The following TNS1 variants were observed in gnomAD, a reference collection of about 807,000 sequenced individuals.
TNS1 encodes tensin 1.
A neutral mutation model predicts 168.6 loss-of-function variants in TNS1; 62 were observed. The observed-to-expected ratio is 0.37, with a 90% CI of 0.30 to 0.45. The LOEUF (loss-of-function observed/expected upper bound fraction) is 0.45. TNS1 is among the 20% of genes least tolerant of loss of function. The pLI, the probability that TNS1 is intolerant of heterozygous loss-of-function variation, is 1.00. For missense variants in TNS1, 2,240 were observed against 2,339.4 expected (o/e 0.96, Z 0.88); for synonymous variants, 934 against 933.2 (o/e 1.00, Z -0.02).
chr2:217,944,509 T>G (rs1021255424), intron 3 of TNS1, among the ~76,000 whole-genome samples: 4 of 152,250 alleles, frequency 2.6e-5, no homozygotes, highest in African/African-American at 9.6e-5. Flanking sequence ...AACTCTCAGC[T>G]TTTCTACAGC....
chr2:218,013,124 C>G (rs1958723631), upstream of TNS1, among the ~76,000 whole-genome samples: 1 of 151,812 alleles, frequency 6.6e-6, no homozygotes, highest in Non-Finnish European at 1.5e-5. Flanking sequence ...TGCGTGGTGG[C>G]AGGTACCTGT....
At chr2:217,958,178 C>T (rs1374417274) in intron 3 of TNS1, among the ~76,000 whole-genome samples, 2 of 152,030 alleles carry the variant, frequency 1.3e-5, no homozygotes, top group Non-Finnish European at 2.9e-5. Flanking sequence ...CCTTCTATCA[C>T]TTAGAATACA....
chr2:218,004,899 T>C (rs1018773948), upstream of TNS1, among the ~76,000 whole-genome samples: 1 of 152,232 alleles, frequency 6.6e-6, no homozygotes, highest in African/African-American at 2.4e-5. Flanking sequence ...GTGTTCCACA[T>C]GCAGTTGGCC....
At chr2:217,868,969 G>A (rs1218171914) in intron 18 of TNS1, among the ~76,000 whole-genome samples, 1 of 152,262 alleles carries the variant, frequency 6.6e-6, no homozygotes, top group Non-Finnish European at 1.5e-5. Flanking sequence ...TTGTGTCAGG[G>A]AGAGGGACAT....
At chr2:217,934,643 CAG>C (rs1394968501) in intron 3 of TNS1, among the ~76,000 whole-genome samples, 2 of 152,338 alleles carry the variant, frequency 1.3e-5, no homozygotes, top group Non-Finnish European at 2.9e-5. Context: ...GTCACTGGGA[CAG>C]AGACGGGAGA....
In TNS1 at chr2:217,917,036, G is replaced by A. The variant is rs555171571; in HGVS notation, c.228+3159C>T. On this transcript the variant is annotated intron_variant, in intron 4 of 32. Coordinates refer to ENST00000682258, the MANE Select transcript of TNS1 (RefSeq NM_001387777.1). ...TGAACCTGTTCAAAGCACTTGCCTC[G>A]CCCGCCCGTGAGGAAACAGGTGCTG... Among the ~76,000 whole-genome samples, 10 of 152,232 alleles carry A rather than the reference G, an allele frequency of 6.6e-5. No homozygotes were observed. The South Asian group carries it at 1.2e-3, about 19-fold the overall frequency.
chr2:217,921,284 C>T (rs990880022), intron 3 of TNS1, among the ~76,000 whole-genome samples: 1 of 152,164 alleles, frequency 6.6e-6, no homozygotes, highest in East Asian at 1.9e-4. Flanking sequence ...GACTGTCCCT[C>T]GGGCATGAGG....
intron 2 of TNS1, among the ~76,000 whole-genome samples, chr2:217,984,850 G>A (rs1249240507): frequency 6.6e-6 from 1 of 151,406 alleles, no homozygotes; most frequent in African/African-American, 2.4e-5. Flanking sequence ...CCACCTCCCG[G>A]GTTCAAGAAA....
chr2:218,010,220 G>T, exon 1 of TNS1: 1 of 398,914 alleles, frequency 2.5e-6, no homozygotes, highest in South Asian at 1.3e-4. Context: ...TGGGCGCCTG[G>T]GGCGCGAGGG....
At chr2:217,960,031 A>G (rs930628007) in intron 3 of TNS1, among the ~76,000 whole-genome samples, 38 of 152,132 alleles carry the variant, frequency 2.5e-4, no homozygotes, top group African/African-American at 8.7e-4. Context: ...GCAGCTGCAG[A>G]GGGTCTAGAA....
At chr2:217,829,361 G>A (rs1371991698) in intron 22 of TNS1, among the ~76,000 whole-genome samples, 2 of 152,096 alleles carry the variant, frequency 1.3e-5, no homozygotes, top group Admixed American at 6.5e-5. Context: ...CTCCAGCCTG[G>A]ACAACAAGAG....
At chr2:217,975,732 C>T (rs1957877836) in intron 3 of TNS1, among the ~76,000 whole-genome samples, 1 of 152,212 alleles carries the variant, frequency 6.6e-6, no homozygotes, top group Admixed American at 6.5e-5. Flanking sequence ...CCTGCTCTCA[C>T]ACCCAAAATC....
At chr2:217,831,329 G>A in intron 22 of TNS1, 126 bp downstream of exon 22, 1 of 770,874 alleles carries the variant, frequency 1.3e-6, no homozygotes, top group Non-Finnish European at 2.0e-6. Context: ...CCCCAACCCA[G>A]GCCTGACCTC....
intron 1 of TNS1, among the ~76,000 whole-genome samples, chr2:218,026,766 C>T (rs1559414604): frequency 1.3e-5 from 2 of 152,268 alleles, no homozygotes; most frequent in African/African-American, 4.8e-5. Flanking sequence ...TCCCTCCTCT[C>T]CTTCCCCTCC....
chr2:217,925,782 C>A (rs1955990437), intron 3 of TNS1, among the ~76,000 whole-genome samples: 1 of 152,198 alleles, frequency 6.6e-6, no homozygotes, highest in Non-Finnish European at 1.5e-5. Flanking sequence ...TCCTCACACT[C>A]ACTAGCCCTC....
At chr2:217,888,145 C>G (rs560258997) in intron 12 of TNS1, among the ~76,000 whole-genome samples, 1 of 152,338 alleles carries the variant, frequency 6.6e-6, no homozygotes, top group South Asian at 2.1e-4. Context: ...CCCCATTACT[C>G]AAGCCGGAAA....
At chr2:218,019,383 T>C (rs1958787875) in intron 1 of TNS1, among the ~76,000 whole-genome samples, 1 of 152,184 alleles carries the variant, frequency 6.6e-6, no homozygotes, top group African/African-American at 2.4e-5. Context: ...TGCCAGATAA[T>C]TCTTAGTCTA....
intron 18 of TNS1, chr2:217,879,544 C>CA (rs1162439155): frequency 2.7e-6 from 1 of 376,870 alleles, no homozygotes; most frequent in Non-Finnish European, 5.3e-6. Context: ...GGAACTGAGG[C>CA]AGGTGTGAGG....
intron 4 of TNS1, among the ~76,000 whole-genome samples, chr2:217,913,855 T>G (rs1309729970): frequency 1.3e-5 from 2 of 152,092 alleles, no homozygotes; most frequent in Non-Finnish European, 2.9e-5. Context: ...CCCCCATTCC[T>G]GCACCCACAC....
Sources: gnomAD v4.1 joint callset for allele counts (sites outside exome capture counted in the v4.1 genomes callset) on GRCh38, gnomAD v4.1.1 for gene constraint, MANE v1.5 for transcripts, NCBI Gene and HGNC (gene_info 2026-07-23, HGNC 2026-07-21) for gene names.